The following CXADR variants were observed in gnomAD, a reference collection of about 807,000 sequenced individuals.
CXADR encodes the protein coxsackievirus and adenovirus receptor.
In CXADR, 20 loss-of-function variants were observed where a neutral mutation model predicts 40.3. That is an observed-to-expected ratio of 0.50 (90% CI 0.35 to 0.72). CXADR has a LOEUF of 0.72. Among genes scored for constraint, CXADR ranks in the 30% least tolerant of loss-of-function variants. The pLI is 0.01. For missense variants in CXADR, 332 were observed against 449.1 expected (o/e 0.74, Z 2.36); for synonymous variants, 150 against 161.3 (o/e 0.93, Z 0.53).
At chr21:17,602,935 T>G in the CXADR span, among the ~76,000 whole-genome samples, 2 of 152,222 alleles carry the variant, frequency 1.3e-5, no homozygotes, top group Non-Finnish European at 2.9e-5. Flanking sequence ...ATCATTATAT[T>G]GAACGTAAAC....
the CXADR span, chr21:17,612,338 G>A: frequency 4.6e-5 from 7 of 152,230 alleles, no homozygotes; most frequent in African/African-American, 9.6e-5. Flanking sequence ...CGGAGCTCCA[G>A]AAAAAACACC....
At chr21:17,570,416 G>A (rs938884809), downstream of CXADR, among the ~76,000 whole-genome samples, 1 of 152,128 alleles carries the variant, frequency 6.6e-6, no homozygotes, top group African/African-American at 2.4e-5. Flanking sequence ...CCCAATGTGT[G>A]TATATATACA....
At chr21:17,635,878 G>A in the CXADR span, among the ~76,000 whole-genome samples, 1 of 152,304 alleles carries the variant, frequency 6.6e-6, no homozygotes, top group Non-Finnish European at 1.5e-5. Flanking sequence ...CAATTTGGAA[G>A]AAATGACGTC....
intron 1 of CXADR, among the ~76,000 whole-genome samples, chr21:17,537,321 G>T (rs2060771522): frequency 6.6e-6 from 1 of 152,100 alleles, no homozygotes; most frequent in African/African-American, 2.4e-5. Context: ...CATTCCTAGT[G>T]CAATTTCCCT....
At chr21:17,562,914 T>C (rs1336532174) in intron 6 of CXADR, among the ~76,000 whole-genome samples, 1 of 152,226 alleles carries the variant, frequency 6.6e-6, no homozygotes, top group East Asian at 1.9e-4. Flanking sequence ...GGCCTTGCTC[T>C]GGATTGGGCT....
At chr21:17,598,920 C>T in the CXADR span, 1 of 920,498 alleles carries the variant, frequency 1.1e-6, no homozygotes, top group Admixed American at 2.7e-5. Flanking sequence ...GCCATCAATA[C>T]AAGGCAAAGA....
At chr21:17,592,628 A>G (rs1359881385) in intron 7 of CXADR, among the ~76,000 whole-genome samples, 7 of 151,376 alleles carry the variant, frequency 4.6e-5, no homozygotes, top group Non-Finnish European at 8.9e-5. Context: ...TCTGAAAGTA[A>G]TTTTTTTTTC....
intron 3 of CXADR, among the ~76,000 whole-genome samples, chr21:17,557,339 A>G (rs578080014): frequency 6.6e-6 from 1 of 152,116 alleles, no homozygotes; most frequent in South Asian, 2.1e-4. Flanking sequence ...AAATGGCCCC[A>G]CCTCCTCACA....
downstream of CXADR, chr21:17,594,384 A>G (rs567409990): frequency 1.3e-6 from 2 of 1,551,214 alleles, no homozygotes; most frequent in Admixed American, 1.9e-5. Flanking sequence ...ATCATCATCT[A>G]TGTTCCAGAT....
chr21:17,599,743 G>C, the CXADR span, among the ~76,000 whole-genome samples: 1 of 152,110 alleles, frequency 6.6e-6, no homozygotes, highest in African/African-American at 2.4e-5. Context: ...GCCTCCCAAA[G>C]TGCTGGGTTT....
chr21:17,585,104 A>C (rs985584870), intron 7 of CXADR, among the ~76,000 whole-genome samples: 1 of 152,102 alleles, frequency 6.6e-6, no homozygotes, highest in Non-Finnish European at 1.5e-5. Context: ...TATTGTCTAT[A>C]TTTTTTATGT....
the CXADR span, among the ~76,000 whole-genome samples, chr21:17,617,171 A>C: frequency 6.6e-6 from 1 of 152,218 alleles, no homozygotes; most frequent in South Asian, 2.1e-4. Context: ...GTTAGGATTT[A>C]TGTGAACTAG....
In CXADR at chr21:17,528,068, C is replaced by CTTTTTTT. The variant is rs35477813; in HGVS notation, c.43+14913_43+14919dup. On this transcript the variant is annotated intron_variant, in intron 1 of 6. Transcript: ENST00000284878. ...GTGCTCTCCTTATGCTTAGTTCTTT[C>CTTTTTTT]TTTTTTTTTTTTTTTTTTTTTTTGA... Among the ~76,000 whole-genome samples, 16 of 78,356 alleles carry CTTTTTTT rather than the reference C, an allele frequency of 2.0e-4. 1 individual carries two copies. The highest frequency in any genetic ancestry group is 2.5e-4 in the Non-Finnish European group (11 of 44,170). The allele number at this position is 78,356 out of a possible 152,430, so 51.4% of individuals were successfully genotyped here. A position where few individuals can be genotyped will look rare whatever the true frequency, so the allele number is the denominator to read the frequency against.
the CXADR span, chr21:17,605,117 G>A: frequency 1.8e-6 from 2 of 1,125,230 alleles, no homozygotes; most frequent in South Asian, 1.6e-5. Flanking sequence ...CCCTGGTAGA[G>A]AACCTAGGAG....
At chr21:17,592,137 A>C (rs1218053348) in intron 7 of CXADR, among the ~76,000 whole-genome samples, 1 of 151,926 alleles carries the variant, frequency 6.6e-6, no homozygotes, top group Non-Finnish European at 1.5e-5. Flanking sequence ...ATTTTGTAGT[A>C]ACGTGGAATG....
the CXADR span, among the ~76,000 whole-genome samples, chr21:17,615,315 T>A: frequency 1.3e-5 from 2 of 152,194 alleles, no homozygotes; most frequent in African/African-American, 4.8e-5. Context: ...TTCTGTTGTT[T>A]AAGCCACACA....
downstream of CXADR, chr21:17,594,109 A>C: frequency 6.2e-7 from 1 of 1,613,038 alleles, no homozygotes; most frequent in Non-Finnish European, 8.5e-7. Flanking sequence ...AGGTGCTAAC[A>C]TGTGAGGATT....
chr21:17,611,036 C>CAGCT, the CXADR span, among the ~76,000 whole-genome samples: 5 of 148,464 alleles, frequency 3.4e-5, no homozygotes, highest in East Asian at 9.6e-4. Flanking sequence ...CTTCTACAGC[C>CAGCT]AGCTAGCAGG....
intron 4 of CXADR, among the ~76,000 whole-genome samples, chr21:17,559,971 A>AT (rs34385056): frequency 1.6e-4 from 24 of 149,440 alleles, no homozygotes; most frequent in Admixed American, 7.3e-4. Context: ...CGCCTGGCGA[A>AT]TTTTTTTTTT....
Sources: allele counts gnomAD v4.1 joint callset (sites outside exome capture counted in the v4.1 genomes callset), GRCh38; gene constraint gnomAD v4.1.1; transcripts MANE v1.5; gene names NCBI Gene and HGNC (gene_info 2026-07-23, HGNC 2026-07-21).